The following ULK4 variants were observed in gnomAD, a reference collection of about 807,000 sequenced individuals.
ULK4 encodes the protein inactive serine/threonine-protein kinase ULK4.
In ULK4, 133 loss-of-function variants were observed where a neutral mutation model predicts 160.6. The ratio of observed to expected loss-of-function variants is 0.83; its 90% CI spans 0.72 to 0.96. The LOEUF is 0.96. ULK4 is among the 40% of genes least tolerant of loss of function. The pLI is 0.00. For missense variants in ULK4, 1,580 were observed against 1,499.5 expected (o/e 1.05, Z -0.89); for synonymous variants, 534 against 539.8 (o/e 0.99, Z 0.15).
At chr3:41,391,049 A>C (rs1194240380) in intron 35 of ULK4, among the ~76,000 whole-genome samples, 1 of 152,076 alleles carries the variant, frequency 6.6e-6, no homozygotes, top group Non-Finnish European at 1.5e-5. Context: ...GAGAACATGC[A>C]ATGTTTATCT....
At chr3:41,731,348 AAACT>A (rs1192360167) in intron 22 of ULK4, among the ~76,000 whole-genome samples, 1 of 152,124 alleles carries the variant, frequency 6.6e-6, no homozygotes, top group African/African-American at 2.4e-5. Flanking sequence ...TATCAATAGC[AAACT>A]ATCTGAAAAA....
intron 35 of ULK4, among the ~76,000 whole-genome samples, chr3:41,287,453 A>C (rs974144665): frequency 3.3e-5 from 5 of 152,210 alleles, no homozygotes; most frequent in African/African-American, 1.2e-4. Context: ...TGTGAATGGA[A>C]TATGATGCTT....
chr3:41,254,322 G>A (rs1229895824), intron 35 of ULK4, among the ~76,000 whole-genome samples: 1 of 152,046 alleles, frequency 6.6e-6, no homozygotes, highest in Non-Finnish European at 1.5e-5. Context: ...AATTAAACTA[G>A]CAATTAATAA....
intron 21 of ULK4, among the ~76,000 whole-genome samples, chr3:41,772,319 C>T (rs13316396): frequency 0.056 from 8,485 of 151,912 alleles, 420 homozygotes; most frequent in East Asian, 0.16. Flanking sequence ...TGATAGACTG[C>T]TAGCAAGACT....
intron 27 of ULK4, among the ~76,000 whole-genome samples, chr3:41,696,685 T>A (rs1285837216): frequency 6.6e-6 from 1 of 152,096 alleles, no homozygotes; most frequent in Non-Finnish European, 1.5e-5. Flanking sequence ...ATAGTCCTGA[T>A]CTCCAGAACC....
chr3:41,742,945 GA>G (rs905802600), intron 22 of ULK4, among the ~76,000 whole-genome samples: 4 of 150,790 alleles, frequency 2.7e-5, no homozygotes, highest in South Asian at 2.1e-4. Context: ...ATAGACAAAA[GA>G]AAAAAAATAG....
intron 22 of ULK4, among the ~76,000 whole-genome samples, chr3:41,722,505 C>T (rs893561574): frequency 6.6e-6 from 1 of 152,126 alleles, no homozygotes; most frequent in African/African-American, 2.4e-5. Context: ...GTGGCACATG[C>T]CTGTAATCCC....
chr3:41,832,193 G>A (rs181587111), intron 18 of ULK4, among the ~76,000 whole-genome samples: 3 of 152,192 alleles, frequency 2.0e-5, no homozygotes, highest in East Asian at 1.9e-4. Context: ...CCACAGCCTC[G>A]CCAGCATTTT....
intron 32 of ULK4, among the ~76,000 whole-genome samples, chr3:41,513,090 G>A (rs2085641909): frequency 6.6e-6 from 1 of 152,120 alleles, no homozygotes; most frequent in African/African-American, 2.4e-5. Flanking sequence ...TCACTGGCAA[G>A]CCCCATGTAG....
At chr3:41,493,446 T>G (rs370799441) in intron 32 of ULK4, among the ~76,000 whole-genome samples, 20,783 of 94,808 alleles carry the variant, frequency 0.22, 2,074 homozygotes, top group African/African-American at 0.25. Context: ...GAGGGAAATT[T>G]ATAGCACTAA....
intron 17 of ULK4, among the ~76,000 whole-genome samples, chr3:41,850,863 C>T (rs977167291): frequency 6.6e-5 from 10 of 152,080 alleles, no homozygotes; most frequent in South Asian, 2.1e-4. Flanking sequence ...TTTTGGTGTC[C>T]TAGACATGAA....
intron 35 of ULK4, among the ~76,000 whole-genome samples, chr3:41,394,125 C>T (rs183553127): frequency 6.6e-6 from 1 of 152,198 alleles, no homozygotes; most frequent in Non-Finnish European, 1.5e-5. Flanking sequence ...CGTCAGACAC[C>T]ATCACATTCT....
intron 32 of ULK4, among the ~76,000 whole-genome samples, chr3:41,550,202 T>C (rs2087008890): frequency 6.6e-6 from 1 of 151,560 alleles, no homozygotes; most frequent in African/African-American, 2.4e-5. Flanking sequence ...TTAACTACGG[T>C]AAACAATAAA....
intron 35 of ULK4, among the ~76,000 whole-genome samples, chr3:41,257,877 G>T (rs1453407681): frequency 6.6e-6 from 1 of 152,140 alleles, no homozygotes; most frequent in Non-Finnish European, 1.5e-5. Context: ...AGTCTGATTT[G>T]ATTTTTAGAA....
intron 21 of ULK4, among the ~76,000 whole-genome samples, chr3:41,757,739 T>G (rs1400222451): frequency 1.3e-5 from 2 of 151,208 alleles, no homozygotes; most frequent in African/African-American, 4.9e-5. Context: ...GTTCAAGTGA[T>G]TCTCCTGCCT....
At chr3:41,444,254 G>C (rs574042682) in intron 34 of ULK4, among the ~76,000 whole-genome samples, 4 of 151,678 alleles carry the variant, frequency 2.6e-5, no homozygotes, top group Non-Finnish European at 4.4e-5. Context: ...TATGTGTTTG[G>C]TGAAATTAAC....
chr3:41,407,960 T>C (rs1334581803), intron 34 of ULK4, among the ~76,000 whole-genome samples: 1 of 151,990 alleles, frequency 6.6e-6, no homozygotes, highest in African/African-American at 2.4e-5. Flanking sequence ...TTAAAGAACT[T>C]TTAGTACAAA....
chr3:41,752,188 T>C (rs1352070084), intron 22 of ULK4, among the ~76,000 whole-genome samples: 1 of 152,256 alleles, frequency 6.6e-6, no homozygotes, highest in Non-Finnish European at 1.5e-5. Context: ...TTCTCTTTTA[T>C]TGTTTTATTT....
chr3:41,553,483 G>A (rs1002587943), intron 32 of ULK4, among the ~76,000 whole-genome samples: 2 of 152,066 alleles, frequency 1.3e-5, no homozygotes, highest in Non-Finnish European at 2.9e-5. Flanking sequence ...ACAGGTATAT[G>A]ACAAAATGCT....
Sources: allele counts gnomAD v4.1 joint callset (sites outside exome capture counted in the v4.1 genomes callset), GRCh38; gene constraint gnomAD v4.1.1; transcripts MANE v1.5; gene names NCBI Gene and HGNC (gene_info 2026-07-23, HGNC 2026-07-21).